Variants in CCDC77 observed in about 807,000 individuals in gnomAD.
The protein encoded by CCDC77 is coiled-coil domain containing 77, also known as coiled-coil domain-containing protein 77.
Under a neutral mutation model 66.8 loss-of-function variants are expected in CCDC77, and 56 were observed. The ratio of observed to expected loss-of-function variants is 0.84; its 90% CI spans 0.68 to 1.05. The LOEUF (loss-of-function observed/expected upper bound fraction) is 1.05. Ranked by LOEUF, CCDC77 falls within the 50% of genes least tolerant of loss-of-function variation. CCDC77 has a pLI of 0.00. For synonymous variants in CCDC77, 196 were observed against 195.2 expected (o/e 1.00, Z -0.03); for missense variants, 570 against 576.8 (o/e 0.99, Z 0.12).
At chr12:407,856 C>T (rs900256412) in intron 2 of CCDC77, among the ~76,000 whole-genome samples, 13 of 138,100 alleles carry the variant, frequency 9.4e-5, no homozygotes, top group African/African-American at 3.3e-4. Context: ...GGCGCAATCT[C>T]GGCTCACTGC....
intron 1 of CCDC77, among the ~76,000 whole-genome samples, chr12:391,937 G>C (rs1944761835): frequency 6.6e-6 from 1 of 152,138 alleles, no homozygotes. Flanking sequence ...ACATTCTGAT[G>C]CTTCCCTCAG....
intron 5 of CCDC77, among the ~76,000 whole-genome samples, chr12:425,117 G>A (rs1945502678): frequency 6.6e-6 from 1 of 151,296 alleles, no homozygotes; most frequent in Admixed American, 6.6e-5. Flanking sequence ...TTTTTGTAGA[G>A]ACAGGGTTTT....
intron 2 of CCDC77, among the ~76,000 whole-genome samples, chr12:406,362 G>A (rs1339215057): frequency 6.6e-6 from 1 of 152,206 alleles, no homozygotes; most frequent in Non-Finnish European, 1.5e-5. Flanking sequence ...GAACATCATA[G>A]CAAAGAGAAC....
chr12:433,485 C>T, intron 9 of CCDC77, 163 bp downstream of exon 9: 1 of 1,405,438 alleles, frequency 7.1e-7, no homozygotes, highest in Non-Finnish European at 9.3e-7. Flanking sequence ...GAGTACCTCG[C>T]TTTTCCAGGC....
At chr12:425,757 C>T (rs1035121511) in intron 5 of CCDC77, among the ~76,000 whole-genome samples, 1 of 152,172 alleles carries the variant, frequency 6.6e-6, no homozygotes, top group African/African-American at 2.4e-5. Flanking sequence ...ACCACGTGCA[C>T]TTGCTGTTTC....
intron 5 of CCDC77, among the ~76,000 whole-genome samples, chr12:424,259 G>T (rs1024306684): frequency 6.6e-6 from 1 of 151,906 alleles, no homozygotes; most frequent in Non-Finnish European, 1.5e-5. Flanking sequence ...GTGAGCCACC[G>T]TGCCTGGCTA....
At chr12:403,231 A>G (rs928021302) in intron 1 of CCDC77, among the ~76,000 whole-genome samples, 1 of 152,260 alleles carries the variant, frequency 6.6e-6, no homozygotes, top group Non-Finnish European at 1.5e-5. Flanking sequence ...AGAGGAAATG[A>G]TAAAGAAACT....
rs1945848177 is a variant in CCDC77 at position 440,981 on chromosome 12, G to A, written c.1305G>A (p.Glu435=). 6.2e-7 allele frequency: 1 copy of A among 1,611,538 alleles called. No individual in the cohort carries two copies. Among genetic ancestry groups the A allele is most frequent in the Non-Finnish European group, 8.5e-7 (1 of 1,180,006 alleles). The part of the protein sequence containing the change: ...KVLRQKLKDL[E]QMLYKATVNA... The stretch of plus-strand genomic sequence containing the variant: ...TCCGACAGAAACTGAAAGACTTGGA[G>A]CAAATGTTGTATAAGGTAATTGCTG... The change falls in exon 12 of 13, where the codon GAG becomes GAA. Residue 435 remains glutamate, a synonymous_variant. Transcript: ENST00000239830.
chr12:413,459 T>C (rs988900238), intron 4 of CCDC77, among the ~76,000 whole-genome samples: 13 of 151,822 alleles, frequency 8.6e-5, no homozygotes, highest in Non-Finnish European at 2.9e-5. Context: ...CAGGATGGTC[T>C]CGATCGCCTG....
At chr12:390,089 A>G (rs1944726820) in intron 1 of CCDC77, 1 of 142,770 alleles carries the variant, frequency 7.0e-6, no homozygotes, top group Admixed American at 7.6e-5. Context: ...CCTGGTTTCC[A>G]TTAATGACTT....
intron 1 of CCDC77, among the ~76,000 whole-genome samples, chr12:394,443 T>C (rs981509775): frequency 3.9e-5 from 6 of 152,222 alleles, no homozygotes; most frequent in Admixed American, 1.3e-4. Context: ...TATGGTTTGG[T>C]GTCACTACCA....
intron 4 of CCDC77, among the ~76,000 whole-genome samples, chr12:412,975 G>C (rs1945143208): frequency 6.6e-6 from 1 of 150,858 alleles, no homozygotes. Flanking sequence ...GTCTCGCTCT[G>C]TCGCCCAGGC....
intron 1 of CCDC77, among the ~76,000 whole-genome samples, chr12:392,617 C>T (rs1944770877): frequency 1.3e-5 from 2 of 151,988 alleles, no homozygotes; most frequent in Admixed American, 1.3e-4. Context: ...TAGTGGTGGG[C>T]ACCTGTAATC....
chr12:428,762 ATT>A lies in CCDC77; in HGVS notation c.414-6_414-5del. On this transcript the variant is annotated splice_polypyrimidine_tract_variant and splice_region_variant and intron_variant, in intron 5 of 12. Coordinates refer to ENST00000239830, the MANE Select transcript of CCDC77 (RefSeq NM_032358.4). The stretch of plus-strand genomic sequence containing the variant: ...TAATATGTGCTTGCTTTCCATGAGA[ATT>A]GCAGGGAGCTAGAAGACAAGAAAAA... 1.3e-6 allele frequency: 2 copies of A among 1,594,402 alleles called. No individual in the cohort carries two copies. Among genetic ancestry groups the A allele is most frequent in the Non-Finnish European group, 1.7e-6 (2 of 1,168,100 alleles).
chr12:407,844 A>G lies in CCDC77; in HGVS notation c.-16-1524A>G, dbSNP rs542277222. Among the ~76,000 whole-genome samples, 35 of 132,614 alleles carry G rather than the reference A, an allele frequency of 2.6e-4. 1 individual carries two copies. The East Asian group carries it at 3.1e-3, about 12-fold the overall frequency. 87.0% of individuals were successfully genotyped at this position (132,614 alleles called of 152,430 possible). On this transcript the variant is annotated intron_variant, in intron 2 of 12. Transcript: ENST00000239830. ...GCTCTGTTGCCCAGGCTGGAGTGCA[A>G]TGGCGCAATCTCGGCTCACTGCGAC...
At chr12:399,701 A>G (rs1944872270), upstream of CCDC77, among the ~76,000 whole-genome samples, 1 of 152,232 alleles carries the variant, frequency 6.6e-6, no homozygotes, top group Admixed American at 6.5e-5. Context: ...CGGTGAACTT[A>G]AAATACTCAG....
At chr12:408,834 A>G (rs907906360) in intron 2 of CCDC77, among the ~76,000 whole-genome samples, 7 of 152,142 alleles carry the variant, frequency 4.6e-5, no homozygotes, top group Non-Finnish European at 7.4e-5. Flanking sequence ...TCTGATTTTT[A>G]TTTGAAAATA....
intron 8 of CCDC77, among the ~76,000 whole-genome samples, chr12:432,952 A>T (rs987678353): frequency 1.3e-5 from 2 of 152,174 alleles, no homozygotes; most frequent in Non-Finnish European, 2.9e-5. Context: ...GGACTGCTTG[A>T]GCCCAGGGGG....
intron 9 of CCDC77, among the ~76,000 whole-genome samples, chr12:436,371 G>A (rs533505038): frequency 7.1e-4 from 107 of 151,486 alleles, no homozygotes; most frequent in African/African-American, 1.8e-3. Flanking sequence ...TGATCTGCCC[G>A]CCTCGGCCTC....
Sources: allele counts gnomAD v4.1 joint callset (sites outside exome capture counted in the v4.1 genomes callset), GRCh38; gene constraint gnomAD v4.1.1; transcripts MANE v1.5; gene names NCBI Gene and HGNC (gene_info 2026-07-23, HGNC 2026-07-21).